The following CSPP1 variants were observed in gnomAD, a reference collection of about 807,000 sequenced individuals.
The protein encoded by CSPP1 is centrosome and spindle pole-associated protein 1.
Under a neutral mutation model 164.4 loss-of-function variants are expected in CSPP1, and 126 were observed. The ratio of observed to expected loss-of-function variants is 0.77; its 90% CI spans 0.66 to 0.89. The LOEUF is 0.89. CSPP1 is among the 40% of genes least tolerant of loss of function. The pLI is 0.00. For missense variants in CSPP1, 1,395 were observed against 1,449.8 expected, an observed-to-expected ratio of 0.96 and a Z score of 0.61; for synonymous variants, 472 against 476.7, an observed-to-expected ratio of 0.99 and a Z score of 0.13.
intron 28 of CSPP1, among the ~76,000 whole-genome samples, chr8:67,180,801 G>C (rs1832814792): frequency 6.6e-6 from 1 of 151,670 alleles, no homozygotes. Flanking sequence ...AGTCAAAAAA[G>C]TCATAAGACT....
chr8:67,116,212 T>C, intron 13 of CSPP1, 90 bp downstream of exon 13: 1 of 925,018 alleles, frequency 1.1e-6, no homozygotes, highest in Non-Finnish European at 1.7e-6. Flanking sequence ...GATGACGTTA[T>C]TCTTCAGAGA....
chr8:67,180,321 A>G (rs1322736606), intron 28 of CSPP1, among the ~76,000 whole-genome samples: 1 of 152,218 alleles, frequency 6.6e-6, no homozygotes, highest in African/African-American at 2.4e-5. Context: ...AGTCTGAGCA[A>G]AAAAGACAAT....
At chr8:67,127,353 C>T (rs2129553244) in intron 15 of CSPP1, among the ~76,000 whole-genome samples, 1 of 152,246 alleles carries the variant, frequency 6.6e-6, no homozygotes, top group East Asian at 1.9e-4. Context: ...CTTTTCCTGG[C>T]TTTGTCATTG....
At chr8:67,102,644 G>T (rs1360963120) in intron 7 of CSPP1, among the ~76,000 whole-genome samples, 1 of 152,100 alleles carries the variant, frequency 6.6e-6, no homozygotes, top group Non-Finnish European at 1.5e-5. Flanking sequence ...TATGAATTTT[G>T]ATTTAAAAAA....
chr8:67,064,388 G>C (rs1317973696), upstream of CSPP1: 1 of 1,612,536 alleles, frequency 6.2e-7, no homozygotes, highest in Admixed American at 1.7e-5. Context: ...GCCCCGGCCC[G>C]GAGGTCTGTC....
At chr8:67,066,987 C>T (rs2129539285) in intron 1 of CSPP1, among the ~76,000 whole-genome samples, 1 of 152,274 alleles carries the variant, frequency 6.6e-6, no homozygotes, top group Non-Finnish European at 1.5e-5. Context: ...AACTCCTGAC[C>T]TCAAGCGATC....
At chr8:67,071,063 T>A (rs1806670570) in intron 1 of CSPP1, among the ~76,000 whole-genome samples, 1 of 152,182 alleles carries the variant, frequency 6.6e-6, no homozygotes, top group Non-Finnish European at 1.5e-5. Flanking sequence ...TACGGCTATG[T>A]TTTAAAATCA....
chr8:67,076,180 T>A (rs1257865393), intron 2 of CSPP1, among the ~76,000 whole-genome samples: 1 of 152,182 alleles, frequency 6.6e-6, no homozygotes, highest in Admixed American at 6.5e-5. Flanking sequence ...CAATAGTTTA[T>A]AAGCTTCATG....
intron 4 of CSPP1, among the ~76,000 whole-genome samples, chr8:67,088,548 A>G (rs1431288737): frequency 6.7e-6 from 1 of 148,568 alleles, no homozygotes; most frequent in Non-Finnish European, 1.5e-5. Context: ...TCGGCCTCCT[A>G]AAGTGCTGGG....
intron 30 of CSPP1, among the ~76,000 whole-genome samples, chr8:67,194,287 TA>T (rs1439597232): frequency 3.9e-5 from 6 of 152,224 alleles, no homozygotes; most frequent in Non-Finnish European, 8.8e-5. Context: ...AAATACTCTT[TA>T]GTCTGTTAAT....
chr8:67,159,958 T>C (rs113132721), intron 21 of CSPP1, among the ~76,000 whole-genome samples: 1,153 of 11,038 alleles, frequency 0.1, 58 homozygotes, highest in Middle Eastern at 0.17. Flanking sequence ...TCCTTCCTTC[T>C]TTCTTTTCTT....
chr8:67,088,177 A>G (rs1810795747), intron 4 of CSPP1, among the ~76,000 whole-genome samples: 1 of 152,122 alleles, frequency 6.6e-6, no homozygotes, highest in Non-Finnish European at 1.5e-5. Flanking sequence ...TCCCTAGGTA[A>G]GATTTTTAAA....
chr8:67,175,248 T>C, intron 25 of CSPP1, 48 bp from the exon 26 acceptor site: 2 of 1,454,252 alleles, frequency 1.4e-6, no homozygotes, highest in Non-Finnish European at 1.9e-6. Flanking sequence ...CAAAATCCCA[T>C]TTGAAAACAA....
At chr8:67,148,701 C>T (rs1825101463) in intron 17 of CSPP1, among the ~76,000 whole-genome samples, 1 of 152,116 alleles carries the variant, frequency 6.6e-6, no homozygotes, top group Non-Finnish European at 1.5e-5. Flanking sequence ...CTTCTTATAT[C>T]CAGGTTTAAG....
rs11296619 is a variant in CSPP1 at position 67,149,947 on chromosome 8, C to CTT, written c.2128+35_2128+36dup. 748 of 1,137,140 alleles carry CTT rather than the reference C, an allele frequency of 6.6e-4. 1 individual carries two copies. Among genetic ancestry groups the CTT allele is most frequent in the South Asian group, 1.3e-3 (60 of 45,600 alleles). 70.4% of individuals were successfully genotyped at this position (1,137,140 alleles called of 1,614,324 possible). On this transcript the variant is annotated intron_variant, in intron 18 of 30. Transcript: ENST00000678616. ...AAATAAAAGCTCAGGTTTTTAATCA[C>CTT]TTTTTTTTTTTTTTTTTTTTTTTTA...
chr8:67,157,073 T>C (rs1274359515), intron 19 of CSPP1, among the ~76,000 whole-genome samples: 6 of 152,118 alleles, frequency 3.9e-5, no homozygotes, highest in African/African-American at 1.2e-4. Context: ...GATTTTTTTT[T>C]CCATGGAGTA....
rs200332502 is a variant in CSPP1 at position 67,064,458 on chromosome 8, G to A, written c.-91G>A. On this transcript the variant is annotated 5_prime_UTR_variant, in exon 1 of 31. Coordinates refer to ENST00000678616, the MANE Select transcript of CSPP1 (RefSeq NM_001382391.1). Reference sequence around the variant, plus strand: ...CTTCGGTCCGCGACGATCCTCTAGAGCACTGTGTGTCTCCCCGGACGCGAG... The same window carrying A: ...CTTCGGTCCGCGACGATCCTCTAGAACACTGTGTGTCTCCCCGGACGCGAG... 6 of 1,613,886 alleles carry A rather than the reference G, an allele frequency of 3.7e-6. No individual in the cohort carries two copies. In the Middle Eastern group the frequency reaches 6.6e-4, roughly 177 times the overall value.
chr8:67,103,174 C>A, intron 8 of CSPP1, 39 bp downstream of exon 8: 1 of 1,223,962 alleles, frequency 8.2e-7, no homozygotes, highest in Non-Finnish European at 1.2e-6. Flanking sequence ...TTAGTCATTA[C>A]ATTGTGAAAC....
Position 67,103,105 on chromosome 8 carries a change from A to C in CSPP1, c.992A>C (p.Asn331Thr). Residue 331 changes from asparagine to threonine, a missense_variant, in exon 8 of 31, where the codon AAC becomes ACC. Physicochemically the swap from Asn to Thr is moderately conservative, Grantham distance 65. Coordinates refer to ENST00000678616, the MANE Select transcript of CSPP1 (RefSeq NM_001382391.1). Reference protein sequence around the residue: ...EHDGDVIEQSNIRISSAENKS... With the variant: ...EHDGDVIEQSTIRISSAENKS... Reference sequence around the variant, plus strand: ...GATGGGGATGTTATAGAACAGTCAAACATAAGAATTTCATCTGCTGAAAAT... The same window carrying C: ...GATGGGGATGTTATAGAACAGTCAACCATAAGAATTTCATCTGCTGAAAAT... 3.1e-6 allele frequency: 5 copies of C among 1,607,352 alleles called. No individual in the cohort carries two copies. The highest frequency in any genetic ancestry group is 4.3e-6 in the Non-Finnish European group (5 of 1,174,028).
Sources: gnomAD v4.1 joint callset for allele counts (sites outside exome capture counted in the v4.1 genomes callset) on GRCh38, gnomAD v4.1.1 for gene constraint, MANE v1.5 for transcripts, NCBI Gene and HGNC (gene_info 2026-07-23, HGNC 2026-07-21) for gene names.